The following ACOT7 variants were observed in gnomAD, a reference collection of about 807,000 sequenced individuals.
The protein encoded by ACOT7 is acyl-CoA thioesterase 7.
Under a neutral mutation model 40.2 loss-of-function variants are expected in ACOT7, and 12 were observed. The ratio of observed to expected loss-of-function variants is 0.30; its 90% confidence interval spans 0.19 to 0.48. The LOEUF is 0.48. Among genes scored for constraint, ACOT7 ranks in the 20% least tolerant of loss-of-function variants. The pLI is 0.99. For synonymous variants in ACOT7, 228 were observed against 219.5 expected (o/e 1.04, Z -0.34); for missense variants, 395 against 530.8 (o/e 0.74, Z 2.51).
At chr1:6,276,168 T>TA (rs1639182719) in intron 8 of ACOT7, among the ~76,000 whole-genome samples, 3 of 152,148 alleles carry the variant, frequency 2.0e-5, no homozygotes, top group Admixed American at 2.0e-4. Context: ...CTGTAGAGGC[T>TA]ACAATGCCCA....
At position 6,288,336 on chromosome 1, in the gene ACOT7, C is replaced by G. The variant is rs535766065; in HGVS notation, c.829+6528G>C. ...ATGAGATCCAGTCGCACAGATGAAGCGGTCCTTCCTTCACCCCAACTGCCT... is the reference window on the plus strand; with the variant it reads ...ATGAGATCCAGTCGCACAGATGAAGGGGTCCTTCCTTCACCCCAACTGCCT... On this transcript the variant is annotated intron_variant, in intron 7 of 8. Coordinates refer to ENST00000361521, the MANE Select transcript of ACOT7 (RefSeq NM_007274.4). The surrounding 1 kb of genome is among the most constrained non-coding windows in gnomAD (Gnocchi z 4.3). Among the ~76,000 whole-genome samples, 1 of 152,208 alleles carries G rather than the reference C, an allele frequency of 6.6e-6. No individual in the cohort carries two copies. Among genetic ancestry groups the G allele is most frequent in the Non-Finnish European group, 1.5e-5 (1 of 68,032 alleles).
At chr1:6,343,794 G>A (rs1641342667) in intron 2 of ACOT7, among the ~76,000 whole-genome samples, 1 of 152,262 alleles carries the variant, frequency 6.6e-6, no homozygotes, top group Non-Finnish European at 1.5e-5. Flanking sequence ...ATGCTATGCT[G>A]ACACAGATCA....
At chr1:6,268,808 G>C (rs1254900488) in intron 8 of ACOT7, among the ~76,000 whole-genome samples, 2 of 152,238 alleles carry the variant, frequency 1.3e-5, no homozygotes, top group Non-Finnish European at 2.9e-5. Flanking sequence ...TAACGATCTG[G>C]CCTCCATGAC....
intron 2 of ACOT7, among the ~76,000 whole-genome samples, chr1:6,347,219 T>C (rs985981804): frequency 6.6e-6 from 1 of 152,040 alleles, no homozygotes; most frequent in Non-Finnish European, 1.5e-5. Flanking sequence ...AGAGACCCCC[T>C]CCTAAGCCTA....
intron 1 of ACOT7, among the ~76,000 whole-genome samples, chr1:6,361,923 C>T (rs549678000): frequency 1.7e-4 from 26 of 152,346 alleles, no homozygotes; most frequent in Non-Finnish European, 3.4e-4. Context: ...CTTACCTTTG[C>T]CACAGAAAGG....
intron 7 of ACOT7, 118 bp from the exon 8 acceptor site, chr1:6,281,404 G>A (rs1179717956): frequency 1.2e-6 from 1 of 812,602 alleles, no homozygotes; most frequent in Non-Finnish European, 2.1e-6. Context: ...TGGCTTGGCT[G>A]ACTACCAGAT....
chr1:6,303,644 C>T (rs1571287673), intron 6 of ACOT7, among the ~76,000 whole-genome samples: 1 of 152,288 alleles, frequency 6.6e-6, no homozygotes, highest in Middle Eastern at 3.4e-3. Context: ...TGGGCGCCGG[C>T]CTCCTATATT....
chr1:6,335,175 A>G (rs1183897238), intron 3 of ACOT7, among the ~76,000 whole-genome samples: 4 of 152,054 alleles, frequency 2.6e-5, no homozygotes, highest in African/African-American at 4.8e-5. Context: ...TACTAAAAAT[A>G]CAAAAATTAG....
Position 6,289,458 on chromosome 1 carries a change from G to A in ACOT7, c.829+5406C>T, listed in dbSNP as rs142809399. ...CTCTGTCACCCAGGCTGAGTGCGGC[G>A]GCACAATCACGGCTCACACTGCAGC... On this transcript the variant is annotated intron_variant, in intron 7 of 8. Transcript: ENST00000361521. This position sits in a 1 kb window ranked among gnomAD's most constrained non-coding sequence, Gnocchi z 4.6. Among the ~76,000 whole-genome samples the A allele has an allele frequency of 2.5e-4, 38 of 152,136 alleles. 1 individual carries two copies. The East Asian group carries it at 6.4e-3, about 26-fold the overall frequency.
intron 7 of ACOT7, among the ~76,000 whole-genome samples, chr1:6,292,360 T>A (rs961323541): frequency 7.2e-5 from 11 of 152,228 alleles, no homozygotes; most frequent in Admixed American, 2.6e-4. Context: ...CCACCCAACC[T>A]GCCCTCACTG....
At chr1:6,333,192 G>A (rs1300269097) in intron 4 of ACOT7, among the ~76,000 whole-genome samples, 2 of 152,252 alleles carry the variant, frequency 1.3e-5, no homozygotes, top group African/African-American at 2.4e-5. Context: ...GCCAGCTTGC[G>A]CTCACATTCC....
At chr1:6,266,868 A>G (rs1346338622) in intron 8 of ACOT7, among the ~76,000 whole-genome samples, 2 of 152,238 alleles carry the variant, frequency 1.3e-5, no homozygotes, top group East Asian at 1.9e-4. Context: ...CGACAAGGCA[A>G]CAGGACCTGG....
At position 6,355,512 on chromosome 1, in the gene ACOT7, A is replaced by G. The variant is rs150018730; in HGVS notation, c.144-5646T>C. ...GTGAAAAACAGCAAGGCACAGAGCC[A>G]TGGGAGCAAGGTGACCACCTGGGGC... On this transcript the variant is annotated intron_variant, in intron 1 of 8. Transcript: ENST00000361521. The surrounding 1 kb of genome is among the most constrained non-coding windows in gnomAD (Gnocchi z 5.0). 1.5e-3 allele frequency among the ~76,000 whole-genome samples: 221 copies of G among 152,294 alleles called. 2 individuals are homozygous for G. The Middle Eastern group carries it at 0.031, about 21-fold the overall frequency.
At chr1:6,266,859 G>A (rs554446996) in intron 8 of ACOT7, among the ~76,000 whole-genome samples, 6 of 152,372 alleles carry the variant, frequency 3.9e-5, no homozygotes, top group East Asian at 3.9e-4. Flanking sequence ...AGAGCTGGGC[G>A]ACAAGGCAAC....
chr1:6,335,829 A>G (rs932831269), intron 3 of ACOT7, among the ~76,000 whole-genome samples: 2 of 152,182 alleles, frequency 1.3e-5, no homozygotes, highest in Admixed American at 6.5e-5. Flanking sequence ...ATATGGGAAA[A>G]TATTTCCACC....
At chr1:6,353,358 G>A (rs569358185) in intron 1 of ACOT7, among the ~76,000 whole-genome samples, 4 of 151,664 alleles carry the variant, frequency 2.6e-5, no homozygotes, top group Non-Finnish European at 4.4e-5. Context: ...GCTGCTGGGC[G>A]CGGTGGCTCA....
intron 1 of ACOT7, among the ~76,000 whole-genome samples, chr1:6,378,713 C>A (rs1642281138): frequency 6.6e-6 from 1 of 151,818 alleles, no homozygotes; most frequent in Non-Finnish European, 1.5e-5. Flanking sequence ...TATCATGTGC[C>A]ATGGGACAGG....
chr1:6,329,419 CTG>C (rs1221516494), intron 4 of ACOT7, among the ~76,000 whole-genome samples: 1 of 152,212 alleles, frequency 6.6e-6, no homozygotes, highest in Non-Finnish European at 1.5e-5. Flanking sequence ...AGAAGAGAGT[CTG>C]TGCTGTGTAT....
intron 1 of ACOT7, among the ~76,000 whole-genome samples, chr1:6,379,077 A>G (rs1642288113): frequency 2.6e-5 from 4 of 151,632 alleles, no homozygotes; most frequent in Admixed American, 2.6e-4. Flanking sequence ...TTGTATTTTT[A>G]GTAGAGAGGG....
Sources: gnomAD v4.1 joint callset for allele counts (sites outside exome capture counted in the v4.1 genomes callset) on GRCh38, gnomAD v4.1.1 for gene constraint, Gnocchi (gnomAD v3.1) non-coding constraint, MANE v1.5 for transcripts, NCBI Gene and HGNC (gene_info 2026-07-23, HGNC 2026-07-21) for gene names.